The following SYCP3 variants were observed in gnomAD, a reference collection of about 807,000 sequenced individuals.
SYCP3 encodes synaptonemal complex protein 3.
A neutral mutation model predicts 38.5 loss-of-function variants in SYCP3; 29 were observed. That is an observed-to-expected ratio of 0.75 (90% CI 0.56 to 1.03). The LOEUF (loss-of-function observed/expected upper bound fraction) is 1.03, where lower values mean the gene tolerates loss of function less well. SYCP3 is among the 50% of genes least tolerant of loss of function. The probability of loss-of-function intolerance (pLI) is 0.00; values close to 1 mark genes in which losing one functional copy is unlikely to be tolerated. For missense variants in SYCP3, 242 were observed against 270.7 expected (o/e 0.89, Z 0.74); for synonymous variants, 79 against 80.3 (o/e 0.98, Z 0.08).
Position 101,734,951 on chromosome 12 carries a change from A to G in SYCP3, c.329T>C (p.Val110Ala). ...CCTTTGATCTTGTTGTGTTTTCCAA[A>G]CATGTTCAATTTTCTGGTTACTAGT... ...LKTSNQKIEH[V>A]WKTQQDQRQK... is the part of the protein sequence containing the mutation. The change falls in exon 5 of 9, where the codon GTT (valine) becomes GCT (alanine). Residue 110 changes from valine (V) to alanine (A), a missense_variant. Coordinates refer to ENST00000392924, the MANE Select transcript of SYCP3 (RefSeq NM_001177949.2). The G allele has an allele frequency of 6.2e-7, 1 of 1,613,024 alleles. No homozygotes were observed. Among genetic ancestry groups the G allele is most frequent in the Non-Finnish European group, 8.5e-7 (1 of 1,179,110 alleles).
At chr12:101,736,372 G>A (rs116162079) in intron 4 of SYCP3, among the ~76,000 whole-genome samples, 182 of 151,708 alleles carry the variant, frequency 1.2e-3, no homozygotes, top group African/African-American at 4.2e-3. Context: ...TTTCACCACC[G>A]GACAGAGCAA....
intron 6 of SYCP3, chr12:101,731,991 C>G (rs1468918141): frequency 8.2e-6 from 2 of 242,824 alleles, no homozygotes; most frequent in East Asian, 2.4e-4. Flanking sequence ...ATTTTGGCCT[C>G]TACCCTACTT....
intron 6 of SYCP3, chr12:101,733,330 G>A (rs571539200): frequency 4.1e-5 from 19 of 467,932 alleles, no homozygotes; most frequent in Non-Finnish European, 7.0e-5. Context: ...ATAAACCAAT[G>A]ATCCTTCTTT....
chr12:101,736,706 ATATGTGTG>A (rs962337527), intron 4 of SYCP3, among the ~76,000 whole-genome samples: 4 of 102,030 alleles, frequency 3.9e-5, no homozygotes, highest in African/African-American at 1.0e-4. Flanking sequence ...GTATGTATGT[ATATGTGTG>A]TGTGTGTGTG....
intron 8 of SYCP3, 57 bp from the exon 9 acceptor site, chr12:101,729,037 C>CTATT: frequency 6.2e-7 from 1 of 1,609,430 alleles, no homozygotes; most frequent in South Asian, 1.1e-5. Context: ...AGTGTTATAC[C>CTATT]TATTTCAGCA....
chr12:101,731,695 T>C (rs780241000), intron 6 of SYCP3, 29 bp from the exon 7 acceptor site: 1 of 1,489,610 alleles, frequency 6.7e-7, no homozygotes, highest in East Asian at 2.3e-5. Context: ...AAAAACTGTG[T>C]AATAACAATT....
At chr12:101,735,871 A>ATATATATATATATATATATATTTT in intron 4 of SYCP3, among the ~76,000 whole-genome samples, 52 of 74,730 alleles carry the variant, frequency 7.0e-4, no homozygotes, top group African/African-American at 2.8e-3. Context: ...ATATATATAT[A>ATATATATATATATATATATATTTT]TTTTTTTTTT....
At position 101,738,733 on chromosome 12, in the gene SYCP3, CTCAA is replaced by C. The variant is rs529284925; in HGVS notation, c.-18+614_-18+617del. Among the ~76,000 whole-genome samples, 41 of 152,358 alleles carry C rather than the reference CTCAA, an allele frequency of 2.7e-4. No homozygotes were observed. In the South Asian group the frequency reaches 3.1e-3, roughly 12 times the overall value. The stretch of plus-strand genomic sequence containing the variant: ...CCTGGGCGACAGAGTGAGACTTCGT[CTCAA>C]TCAATCAATCGATGAGAGAGAATGA... On this transcript the variant is annotated intron_variant, in intron 1 of 8. Coordinates refer to ENST00000392924, the MANE Select transcript of SYCP3 (RefSeq NM_001177949.2).
At chr12:101,739,048 G>A (rs61935738) in intron 1 of SYCP3, among the ~76,000 whole-genome samples, 1 of 152,240 alleles carries the variant, frequency 6.6e-6, no homozygotes. Context: ...GAGGAACCAC[G>A]AAAGGCGCCC....
intron 6 of SYCP3, 96 bp from the exon 7 acceptor site, chr12:101,731,762 T>A: frequency 1.1e-6 from 1 of 884,670 alleles, no homozygotes; most frequent in South Asian, 1.9e-5. Flanking sequence ...AAAGAAAGTG[T>A]TAAAAATCAA....
In SYCP3 at chr12:101,728,725, A is replaced by T; in HGVS notation, c.*202T>A. ...ATCATTACTAAAGAGCTGAAAGCTTAATACATATTCTTTAGGAATAGTTGC... is the reference window on the plus strand; with the variant it reads ...ATCATTACTAAAGAGCTGAAAGCTTTATACATATTCTTTAGGAATAGTTGC... On this transcript the variant is annotated 3_prime_UTR_variant, in exon 9 of 9. Coordinates refer to ENST00000392924, the MANE Select transcript of SYCP3 (RefSeq NM_001177949.2). 2 of 660,014 alleles carry T rather than the reference A, an allele frequency of 3.0e-6. No individual in the cohort carries two copies. The highest frequency in any genetic ancestry group is 5.0e-6 in the Non-Finnish European group (2 of 398,966). 40.9% of individuals were successfully genotyped at this position (660,014 alleles called of 1,614,324 possible).
rs748225434 is a variant in SYCP3 at position 101,729,108 on chromosome 12, C to A, written c.657+1G>T. The A allele has an allele frequency of 1.2e-6, 2 of 1,608,742 alleles. No homozygotes were observed. The highest frequency in any genetic ancestry group is 1.7e-6 in the Non-Finnish European group (2 of 1,175,952). ...TTTTCAATTTCAATATGATCACTTA[C>A]AGTTTCCATCATAATTTTTTTTTGC... On this transcript the variant is annotated splice_donor_variant, in intron 8 of 8. Transcript: ENST00000392924. LOFTEE classifies it high-confidence loss of function.
At chr12:101,738,982 G>T (rs1248951385) in intron 1 of SYCP3, among the ~76,000 whole-genome samples, 1 of 152,216 alleles carries the variant, frequency 6.6e-6, no homozygotes. Flanking sequence ...AAAACGTCCC[G>T]CAATTTAGGT....
At chr12:101,731,205 C>G (rs1445312832) in intron 7 of SYCP3, among the ~76,000 whole-genome samples, 1 of 152,024 alleles carries the variant, frequency 6.6e-6, no homozygotes, top group Non-Finnish European at 1.5e-5. Context: ...TTCTATTTAA[C>G]AAACACTGGG....
At chr12:101,731,462 T>TAA (rs1043175901) in intron 7 of SYCP3, 106 bp downstream of exon 7, 2 of 664,908 alleles carry the variant, frequency 3.0e-6, no homozygotes, top group Non-Finnish European at 4.6e-6. Flanking sequence ...GAAAAGTAGT[T>TAA]AAAGTCTAAA....
At chr12:101,729,992 A>C (rs1402915137) in intron 7 of SYCP3, among the ~76,000 whole-genome samples, 1 of 152,172 alleles carries the variant, frequency 6.6e-6, no homozygotes, top group African/African-American at 2.4e-5. Flanking sequence ...TGGGGTAATG[A>C]ACAAATGTAG....
intron 1 of SYCP3, among the ~76,000 whole-genome samples, chr12:101,738,439 AAAC>A (rs1314437736): frequency 4.9e-4 from 74 of 151,216 alleles, no homozygotes; most frequent in Non-Finnish European, 7.1e-4. Context: ...CAAAAAAAAA[AAAC>A]AACAACAGAA....
chr12:101,728,947 G>A lies in SYCP3; in HGVS notation c.691C>T (p.Leu231Phe). ...QQEIASVRKS[L>F]QSMLF is the part of the protein sequence containing the mutation. ...AGTCATCAGAATAACATGGATTGAAGAGACTTCCGAACACTTGCTATCTCT... is the reference window on the plus strand; with the variant it reads ...AGTCATCAGAATAACATGGATTGAAAAGACTTCCGAACACTTGCTATCTCT... The change falls in exon 9 of 9, where the codon CTT becomes TTT. Residue 231 changes from leucine (L) to phenylalanine (F), a missense_variant. Leu to Phe is a conservative substitution (Grantham distance 22). Transcript: ENST00000392924. The A allele has an allele frequency of 1.2e-6, 2 of 1,613,542 alleles. No homozygotes were observed. The highest frequency in any genetic ancestry group is 1.7e-6 in the Non-Finnish European group (2 of 1,179,710).
In SYCP3 at chr12:101,739,247, G is replaced by C. The variant is rs182012809; in HGVS notation, c.-18+104C>G. 86 of 996,064 alleles carry C rather than the reference G, an allele frequency of 8.6e-5. 4 individuals carry two copies. The East Asian group carries it at 9.1e-3, about 106-fold the overall frequency. The allele number at this position is 996,064 out of a possible 1,614,324, so 61.7% of individuals were successfully genotyped here. On this transcript the variant is annotated intron_variant, in intron 1 of 8. Transcript: ENST00000392924. ...TCAGGTTCGCGGCCTCCGTTTTCTC[G>C]TCAGAGGCCCCAGGCGACGCCAGGA... is the stretch of plus-strand genomic sequence containing the variant.
Sources: gnomAD v4.1 joint callset for allele counts (sites outside exome capture counted in the v4.1 genomes callset) on GRCh38, gnomAD v4.1.1 for gene constraint, MANE v1.5 for transcripts, NCBI Gene and HGNC (gene_info 2026-07-23, HGNC 2026-07-21) for gene names.